Variants in IRS1 observed in about 807,000 individuals in gnomAD.
IRS1 encodes insulin receptor substrate 1.
In IRS1, 34 loss-of-function variants were observed where a neutral mutation model predicts 65.6. That is an observed-to-expected ratio of 0.52 (90% CI 0.39 to 0.69). The LOEUF is 0.69. Among genes scored for constraint, IRS1 ranks in the 30% least tolerant of loss-of-function variants. IRS1 has a pLI of 0.00. For missense variants in IRS1, 1,641 were observed against 1,720.2 expected (o/e 0.95, Z 0.81); for synonymous variants, 699 against 683.5 (o/e 1.02, Z -0.35).
intron 1 of IRS1, among the ~76,000 whole-genome samples, chr2:226,766,159 A>ATTTTTTTT (rs1433312154): frequency 1.0e-3 from 6 of 5,764 alleles, no homozygotes; most frequent in Non-Finnish European, 2.0e-3. Flanking sequence ...ATATATATAT[A>ATTTTTTTT]TATATTTTTT....
chr2:226,792,984 T>C (rs1939639476), intron 1 of IRS1, among the ~76,000 whole-genome samples: 1 of 152,244 alleles, frequency 6.6e-6, no homozygotes, highest in Non-Finnish European at 1.5e-5. Context: ...GTGCAAAGCA[T>C]GGTCGATTGT....
intron 1 of IRS1, among the ~76,000 whole-genome samples, chr2:226,737,676 T>C (rs1938355200): frequency 6.6e-6 from 1 of 152,164 alleles, no homozygotes; most frequent in Non-Finnish European, 1.5e-5. Context: ...GATACATGCA[T>C]GGGGGCAATA....
At chr2:226,745,584 C>T (rs1044864923) in intron 1 of IRS1, among the ~76,000 whole-genome samples, 10 of 152,178 alleles carry the variant, frequency 6.6e-5, no homozygotes, top group African/African-American at 2.4e-4. Flanking sequence ...CAAATGTTTT[C>T]GTCTGTAACA....
intron 1 of IRS1, among the ~76,000 whole-genome samples, chr2:226,764,930 C>T (rs567566791): frequency 9.3e-4 from 141 of 152,258 alleles, no homozygotes; most frequent in African/African-American, 3.2e-3. Flanking sequence ...GAAATGCTGT[C>T]GATAGTGTAC....
At chr2:226,762,474 AG>A (rs1938936139) in intron 1 of IRS1, among the ~76,000 whole-genome samples, 1 of 152,156 alleles carries the variant, frequency 6.6e-6, no homozygotes, top group Non-Finnish European at 1.5e-5. Flanking sequence ...AGTTTTAGCC[AG>A]TGAAGCATTG....
chr2:226,789,398 C>T (rs1323637815), intron 1 of IRS1, among the ~76,000 whole-genome samples: 1 of 152,076 alleles, frequency 6.6e-6, no homozygotes, highest in African/African-American at 2.4e-5. Context: ...AATCAAAAAC[C>T]CTAAAGCACA....
At chr2:226,771,992 G>A (rs1021326542) in intron 1 of IRS1, among the ~76,000 whole-genome samples, 16 of 152,114 alleles carry the variant, frequency 1.1e-4, no homozygotes, top group Non-Finnish European at 2.1e-4. Flanking sequence ...ATGCAACCCA[G>A]TTTCCTAGAA....
At position 226,799,624 on chromosome 2, in the gene IRS1, C is replaced by T; in HGVS notation, c.-886G>A. The T allele has an allele frequency of 9.0e-6, 9 of 1,002,832 alleles. No homozygotes were observed. Among genetic ancestry groups the T allele is most frequent in the African/African-American group, 1.7e-5 (1 of 57,286 alleles). 62.1% of individuals were successfully genotyped at this position (1,002,832 alleles called of 1,614,324 possible). Reference sequence around the variant, plus strand: ...GGGTTCGGGGAAGACGCCTGTTCCTCGGGAGGCGCTGCCGCTGCAGTTACT... The same window carrying T: ...GGGTTCGGGGAAGACGCCTGTTCCTTGGGAGGCGCTGCCGCTGCAGTTACT... On this transcript the variant is annotated 5_prime_UTR_variant, in exon 1 of 2. Coordinates refer to ENST00000305123, the MANE Select transcript of IRS1 (RefSeq NM_005544.3). This position sits in a 1 kb window ranked among gnomAD's most constrained non-coding sequence, Gnocchi z 6.1.
At chr2:226,788,144 T>C (rs1939521323) in intron 1 of IRS1, among the ~76,000 whole-genome samples, 1 of 152,142 alleles carries the variant, frequency 6.6e-6, no homozygotes, top group African/African-American at 2.4e-5. Context: ...ATTAAAGTAT[T>C]CTTTGGTCAA....
intron 1 of IRS1, among the ~76,000 whole-genome samples, chr2:226,772,598 G>C (rs545264931): frequency 6.6e-6 from 1 of 151,530 alleles, no homozygotes; most frequent in East Asian, 1.9e-4. Context: ...AATACTATGA[G>C]TGGCAGGAAA....
intron 1 of IRS1, among the ~76,000 whole-genome samples, chr2:226,784,366 AC>A (rs1939447002): frequency 6.6e-6 from 1 of 152,178 alleles, no homozygotes; most frequent in Admixed American, 6.6e-5. Flanking sequence ...CACCAAAAAA[AC>A]GATCAAACAC....
Position 226,734,747 on chromosome 2 carries a change from G to C in IRS1, c.*1525C>G, listed in dbSNP as rs1471074800. 6.6e-6 allele frequency: 1 copy of C among 152,130 alleles called. No individual in the cohort carries two copies. Among genetic ancestry groups the C allele is most frequent in the Non-Finnish European group, 1.5e-5 (1 of 68,026 alleles). 9.4% of individuals were successfully genotyped at this position (152,130 alleles called of 1,614,324 possible). Reference sequence around the variant, plus strand: ...TGGTAAAAAGATTTAAAAATCTGTCGGCAATATCTTTAAATGCATTCATTG... The same window carrying C: ...TGGTAAAAAGATTTAAAAATCTGTCCGCAATATCTTTAAATGCATTCATTG... On this transcript the variant is annotated 3_prime_UTR_variant, in exon 2 of 2. Transcript: ENST00000305123.
At chr2:226,780,338 G>A (rs935027989) in intron 1 of IRS1, among the ~76,000 whole-genome samples, 1 of 152,162 alleles carries the variant, frequency 6.6e-6, no homozygotes, top group Admixed American at 6.5e-5. Context: ...GTTGCAGTGA[G>A]CTAAGATCAC....
At chr2:226,751,097 G>T (rs58579366) in intron 1 of IRS1, among the ~76,000 whole-genome samples, 11,456 of 152,048 alleles carry the variant, frequency 0.075, 734 homozygotes, top group African/African-American at 0.17. Flanking sequence ...GAAATAGTTT[G>T]GAATTAAAAC....
chr2:226,750,015 C>A (rs942291061), intron 1 of IRS1, among the ~76,000 whole-genome samples: 2 of 151,898 alleles, frequency 1.3e-5, no homozygotes, highest in African/African-American at 4.8e-5. Flanking sequence ...TTTGGGAGGC[C>A]GAGGCGGGTG....
chr2:226,738,952 A>G (rs565198887), intron 1 of IRS1, among the ~76,000 whole-genome samples: 1 of 152,130 alleles, frequency 6.6e-6, no homozygotes, highest in East Asian at 1.9e-4. Flanking sequence ...ACAGGAACAC[A>G]CTGTACCCTC....
At chr2:226,792,899 A>G (rs761545855) in intron 1 of IRS1, among the ~76,000 whole-genome samples, 2 of 152,258 alleles carry the variant, frequency 1.3e-5, no homozygotes, top group Non-Finnish European at 2.9e-5. Context: ...TAAATGTGCC[A>G]GGTAGCATTT....
intron 1 of IRS1, among the ~76,000 whole-genome samples, chr2:226,738,617 T>C (rs1414009688): frequency 6.6e-6 from 1 of 152,176 alleles, no homozygotes; most frequent in Non-Finnish European, 1.5e-5. Context: ...AATTGTGGTG[T>C]CCACAAATGA....
intron 1 of IRS1, among the ~76,000 whole-genome samples, chr2:226,748,606 A>G (rs909697667): frequency 9.2e-5 from 14 of 152,262 alleles, no homozygotes; most frequent in African/African-American, 3.1e-4. Flanking sequence ...CCTACTTTAT[A>G]AGATAAATAT....
Sources: gnomAD v4.1 joint callset for allele counts (sites outside exome capture counted in the v4.1 genomes callset) on GRCh38, gnomAD v4.1.1 for gene constraint, Gnocchi (gnomAD v3.1) non-coding constraint, MANE v1.5 for transcripts, NCBI Gene and HGNC (gene_info 2026-07-23, HGNC 2026-07-21) for gene names.